SLX4IP: variants seen among roughly 807,000 people sequenced by gnomAD.
SLX4IP encodes SLX4 interacting protein.
In SLX4IP, 34 loss-of-function variants were observed where a neutral mutation model predicts 32.9. The ratio of observed to expected loss-of-function variants is 1.03; its 90% CI spans 0.79 to 1.38. The LOEUF (loss-of-function observed/expected upper bound fraction) is 1.38. Among genes scored for constraint, SLX4IP ranks in the 40% most tolerant of loss-of-function variants. The pLI is 0.00. For synonymous variants in SLX4IP, 172 were observed against 171.7 expected (o/e 1.00, Z -0.01); for missense variants, 444 against 479.0 (o/e 0.93, Z 0.68).
intron 2 of SLX4IP, 32 bp from the exon 3 acceptor site, chr20:10,556,199 C>T: frequency 6.3e-7 from 1 of 1,591,648 alleles, no homozygotes; most frequent in Non-Finnish European, 8.6e-7. Flanking sequence ...ATGAGCCGCA[C>T]AGACACTGAC....
At chr20:10,588,872 G>T (rs1482029082) in intron 4 of SLX4IP, among the ~76,000 whole-genome samples, 2 of 152,124 alleles carry the variant, frequency 1.3e-5, no homozygotes, top group Non-Finnish European at 2.9e-5. Context: ...GTACACTGTG[G>T]TGACTGTAGT....
intron 6 of SLX4IP, among the ~76,000 whole-genome samples, chr20:10,618,926 G>A (rs2067071441): frequency 1.3e-5 from 2 of 150,970 alleles, no homozygotes; most frequent in Non-Finnish European, 3.0e-5. Flanking sequence ...ATACTTGTTT[G>A]GGGGCTTGGG....
chr20:10,489,659 G>A (rs375163502), intron 2 of SLX4IP, among the ~76,000 whole-genome samples: 1 of 152,138 alleles, frequency 6.6e-6, no homozygotes, highest in African/African-American at 2.4e-5. Context: ...AAGAGTAAGG[G>A]GTCAGGTTAG....
intron 6 of SLX4IP, among the ~76,000 whole-genome samples, chr20:10,615,235 C>T (rs900616589): frequency 6.6e-6 from 1 of 152,168 alleles, no homozygotes; most frequent in African/African-American, 2.4e-5. Context: ...GATCCCAGCA[C>T]TTCACCAAAA....
At chr20:10,552,087 G>A (rs2066223544) in intron 2 of SLX4IP, among the ~76,000 whole-genome samples, 1 of 152,216 alleles carries the variant, frequency 6.6e-6, no homozygotes, top group Admixed American at 6.5e-5. Flanking sequence ...GGAGTTGGGG[G>A]TGACACCCCT....
chr20:10,495,977 G>A (rs1369323828), intron 2 of SLX4IP, among the ~76,000 whole-genome samples: 1 of 149,404 alleles, frequency 6.7e-6, no homozygotes, highest in African/African-American at 2.5e-5. Flanking sequence ...AGCCCTTTTT[G>A]TGCATCTTCT....
At chr20:10,545,586 T>G (rs1011992137) in intron 2 of SLX4IP, among the ~76,000 whole-genome samples, 1 of 152,192 alleles carries the variant, frequency 6.6e-6, no homozygotes, top group Non-Finnish European at 1.5e-5. Context: ...GTCATAGCTT[T>G]ATCTGGCAAG....
chr20:10,480,293 T>C (rs1169946826), intron 2 of SLX4IP, among the ~76,000 whole-genome samples: 2 of 151,858 alleles, frequency 1.3e-5, no homozygotes, highest in African/African-American at 2.4e-5. Flanking sequence ...TACTGGGGGA[T>C]TGGGGCCGAG....
At chr20:10,607,488 TCTC>T (rs1394045898) in intron 6 of SLX4IP, among the ~76,000 whole-genome samples, 1 of 152,206 alleles carries the variant, frequency 6.6e-6, no homozygotes, top group Non-Finnish European at 1.5e-5. Flanking sequence ...GTGAAAGAAT[TCTC>T]ATGGTGCTTG....
At chr20:10,568,643 A>G (rs918329461) in intron 4 of SLX4IP, among the ~76,000 whole-genome samples, 12 of 152,228 alleles carry the variant, frequency 7.9e-5, no homozygotes, top group Admixed American at 7.9e-4. Flanking sequence ...TTGATCTCCT[A>G]GGGATTAATA....
chr20:10,441,735 T>TTG (rs758695072), intron 1 of SLX4IP, among the ~76,000 whole-genome samples: 1 of 152,070 alleles, frequency 6.6e-6, no homozygotes, highest in Non-Finnish European at 1.5e-5. Context: ...GTTTTTGTTT[T>TTG]TTTTTTTATA....
intron 2 of SLX4IP, among the ~76,000 whole-genome samples, chr20:10,498,560 T>G (rs1281544314): frequency 6.6e-6 from 1 of 152,210 alleles, no homozygotes; most frequent in Admixed American, 6.5e-5. Context: ...CACTGTAATA[T>G]TTTGTGGATG....
At chr20:10,553,805 C>CAACACACTAAACTGT (rs2066241539) in intron 2 of SLX4IP, among the ~76,000 whole-genome samples, 1 of 152,142 alleles carries the variant, frequency 6.6e-6, no homozygotes, top group South Asian at 2.1e-4. Context: ...ATGCTGGTTG[C>CAACACACTAAACTGT]AACACACTAA....
At chr20:10,529,713 A>G (rs2065971376) in intron 2 of SLX4IP, among the ~76,000 whole-genome samples, 1 of 151,848 alleles carries the variant, frequency 6.6e-6, no homozygotes, top group Non-Finnish European at 1.5e-5. Context: ...AAAATCATTG[A>G]AGGTTCAAGG....
At chr20:10,500,130 C>CTTTTTTTTTTTTT (rs34751503) in intron 2 of SLX4IP, among the ~76,000 whole-genome samples, 1 of 90,074 alleles carries the variant, frequency 1.1e-5, no homozygotes, top group Non-Finnish European at 2.0e-5. Flanking sequence ...TGTCAAAATT[C>CTTTTTTTTTTTTT]TTTTTTTTTT....
chr20:10,561,963 G>A (rs988591576), intron 4 of SLX4IP, among the ~76,000 whole-genome samples: 6 of 152,168 alleles, frequency 3.9e-5, no homozygotes, highest in African/African-American at 1.4e-4. Context: ...CAGGGCGTGG[G>A]ATGGGGATGT....
intron 2 of SLX4IP, among the ~76,000 whole-genome samples, chr20:10,506,936 GTGA>G (rs2122422234): frequency 6.6e-6 from 1 of 152,326 alleles, no homozygotes; most frequent in South Asian, 2.1e-4. Flanking sequence ...GGTGTACAAT[GTGA>G]TGATTTGATG....
chr20:10,450,372 G>A (rs868381553), intron 1 of SLX4IP, among the ~76,000 whole-genome samples: 25 of 152,198 alleles, frequency 1.6e-4, no homozygotes, highest in Middle Eastern at 3.4e-3. Flanking sequence ...ATGTTTATTA[G>A]ACAAAAATAA....
chr20:10,601,760 G>C lies in SLX4IP; in HGVS notation c.346G>C (p.Val116Leu). ...CTGTGTATTCCCTGACAGATTTGTGGTTTGTGTCAGTCAGCTTGCATTCAG... is the reference window on the plus strand; with the variant it reads ...CTGTGTATTCCCTGACAGATTTGTGCTTTGTGTCAGTCAGCTTGCATTCAG... ...ELCVFPDRFV[V>L]CVSQLAFSRD... Residue 116 changes from valine to leucine, a missense_variant, in exon 6 of 8, where the codon GTT becomes CTT. By Grantham distance (32) the Val-to-Leu change is conservative. Coordinates refer to ENST00000334534, the MANE Select transcript of SLX4IP (RefSeq NM_001009608.3). 6.2e-7 allele frequency: 1 copy of C among 1,613,986 alleles called. No individual in the cohort carries two copies. Among genetic ancestry groups the C allele is most frequent in the Non-Finnish European group, 8.5e-7 (1 of 1,179,952 alleles).
Sources: gnomAD v4.1 joint callset for allele counts (sites outside exome capture counted in the v4.1 genomes callset) on GRCh38, gnomAD v4.1.1 for gene constraint, MANE v1.5 for transcripts, NCBI Gene and HGNC (gene_info 2026-07-23, HGNC 2026-07-21) for gene names.